Variants in TBL1XR1 observed in about 807,000 individuals in gnomAD.
TBL1XR1 encodes the protein TBL1X/Y related 1.
Under a neutral mutation model 66.9 loss-of-function variants are expected in TBL1XR1, and 5 were observed. That is an observed-to-expected ratio of 0.07 (90% CI 0.04 to 0.16). The LOEUF is 0.16. Among genes scored for constraint, TBL1XR1 ranks in the 10% least tolerant of loss-of-function variants. TBL1XR1 has a pLI of 1.00. For synonymous variants in TBL1XR1, 210 were observed against 206.0 expected (o/e 1.02, Z -0.17); for missense variants, 238 against 623.2 (o/e 0.38, Z 6.58).
At chr3:177,095,004 T>G (rs2700332) in intron 2 of TBL1XR1, among the ~76,000 whole-genome samples, 88,757 of 150,756 alleles carry the variant, frequency 0.59, 26,208 homozygotes, top group East Asian at 0.69. Flanking sequence ...AGAAAATGCG[T>G]TATATACATA....
chr3:177,162,186 G>C (rs1732292652), intron 1 of TBL1XR1, among the ~76,000 whole-genome samples: 1 of 152,154 alleles, frequency 6.6e-6, no homozygotes. Context: ...CCACATATCT[G>C]TCCAAAGAGT....
rs886400329 is a variant in TBL1XR1, at chr3:177,081,199, C to G, written c.-45-16177G>C. Among the ~76,000 whole-genome samples, 3 of 152,170 alleles carry G rather than the reference C, an allele frequency of 2.0e-5. 1 individual carries two copies. Among genetic ancestry groups the G allele is most frequent in the South Asian group, 2.1e-4 (1 of 4,834 alleles). On this transcript the variant is annotated intron_variant, in intron 2 of 15. Coordinates refer to ENST00000457928, the MANE Select transcript of TBL1XR1 (RefSeq NM_024665.7). Reference sequence around the variant, plus strand: ...ACATTCAGAATCATTAATAAGATTTCTCTCTTGTTCTTGGCCAGTCTTAAG... The same window carrying G: ...ACATTCAGAATCATTAATAAGATTTGTCTCTTGTTCTTGGCCAGTCTTAAG...
chr3:177,197,621 GGCGGGCGGGCGA>G (rs1392612760), upstream of TBL1XR1, among the ~76,000 whole-genome samples: 23 of 137,998 alleles, frequency 1.7e-4, no homozygotes, highest in South Asian at 4.5e-4. Flanking sequence ...GCCTGCGCCG[GGCGGGCGGGCGA>G]GCGGGCGGGC....
chr3:177,135,307 C>CTGTGTGTGTGTGTG (rs376418228), intron 1 of TBL1XR1, among the ~76,000 whole-genome samples: 7 of 72,592 alleles, frequency 9.6e-5, no homozygotes, highest in African/African-American at 2.1e-4. Flanking sequence ...AGGCCGCACT[C>CTGTGTGTGTGTGTG]TGTGTGTGTG....
At chr3:177,101,816 C>T (rs960701379) in intron 1 of TBL1XR1, among the ~76,000 whole-genome samples, 2 of 152,136 alleles carry the variant, frequency 1.3e-5, no homozygotes, top group Non-Finnish European at 2.9e-5. Context: ...GGAAACAGAA[C>T]GAATGAATGA....
At chr3:177,201,036 T>C (rs1169590235), upstream of TBL1XR1, among the ~76,000 whole-genome samples, 1 of 151,808 alleles carries the variant, frequency 6.6e-6, no homozygotes, top group Non-Finnish European at 1.5e-5. Context: ...TTGAATTTTC[T>C]AGCTAATTAC....
chr3:177,067,040 T>C (rs1013316986), intron 2 of TBL1XR1, among the ~76,000 whole-genome samples: 5 of 152,190 alleles, frequency 3.3e-5, no homozygotes, highest in Admixed American at 6.5e-5. Context: ...TGTACTATAG[T>C]ACACTAGATG....
At chr3:177,025,560 G>C in intron 15 of TBL1XR1, 36 bp from the exon 16 acceptor site, 1 of 1,589,732 alleles carries the variant, frequency 6.3e-7, no homozygotes, top group Non-Finnish European at 8.6e-7. Context: ...AGTGTATTCA[G>C]AATTTTATTG....
intron 3 of TBL1XR1, among the ~76,000 whole-genome samples, chr3:177,056,857 G>A (rs1032262212): frequency 3.9e-5 from 6 of 151,932 alleles, no homozygotes; most frequent in Admixed American, 3.9e-4. Context: ...TACCTTTTCT[G>A]CCAGATCTGC....
chr3:177,050,387 GCAA>G lies in TBL1XR1; in HGVS notation c.560+88_560+90del, dbSNP rs1448231581. ...ACAGAGACAAAATGGCCACAACTAA[GCAA>G]CAACAGAAAACCTGAATAATGCATA... On this transcript the variant is annotated intron_variant, in intron 6 of 15. Coordinates refer to ENST00000457928, the MANE Select transcript of TBL1XR1 (RefSeq NM_024665.7). 5.4e-6 allele frequency: 8 copies of G among 1,469,352 alleles called. No individual in the cohort carries two copies. In the Admixed American group the frequency reaches 1.2e-4, roughly 22 times the overall value. The allele number at this position is 1,469,352 out of a possible 1,614,324, so 91.0% of individuals were successfully genotyped here.
chr3:177,125,125 T>A (rs1434791845), intron 1 of TBL1XR1, among the ~76,000 whole-genome samples: 1 of 150,894 alleles, frequency 6.6e-6, no homozygotes, highest in Non-Finnish European at 1.5e-5. Flanking sequence ...ATCAAGAAAG[T>A]GAAAACCCAC....
At chr3:177,189,664 A>AAAAAAAAAAAAAAAATTTC (rs57549428) in intron 1 of TBL1XR1, among the ~76,000 whole-genome samples, 5 of 141,878 alleles carry the variant, frequency 3.5e-5, no homozygotes, top group African/African-American at 1.1e-4. Context: ...AAAAAAAAAA[A>AAAAAAAAAAAAAAAATTTC]AGAAGGATGT....
chr3:177,045,002 T>C (rs939915034), intron 10 of TBL1XR1: 5 of 152,186 alleles, frequency 3.3e-5, no homozygotes, highest in African/African-American at 1.2e-4. Context: ...AAAATGTATG[T>C]GTAAATGCTT....
At chr3:177,131,102 C>T (rs200705615) in intron 1 of TBL1XR1, among the ~76,000 whole-genome samples, 2 of 152,010 alleles carry the variant, frequency 1.3e-5, no homozygotes, top group East Asian at 3.9e-4. Context: ...TTCAGCAAAT[C>T]GGGAATCCAT....
intron 1 of TBL1XR1, among the ~76,000 whole-genome samples, chr3:177,165,694 A>G (rs969371351): frequency 7.9e-5 from 12 of 152,210 alleles, no homozygotes; most frequent in African/African-American, 2.7e-4. Context: ...AAGACAATAC[A>G]ATGGAGCAAA....
At chr3:177,168,812 C>T (rs1409745891) in intron 1 of TBL1XR1, among the ~76,000 whole-genome samples, 1 of 152,068 alleles carries the variant, frequency 6.6e-6, no homozygotes, top group Non-Finnish European at 1.5e-5. Flanking sequence ...CTAAAAGCTG[C>T]ATTATTTGAT....
At chr3:177,094,228 C>G (rs1342680866) in intron 2 of TBL1XR1, among the ~76,000 whole-genome samples, 2 of 152,112 alleles carry the variant, frequency 1.3e-5, no homozygotes. Context: ...AAAAAATACT[C>G]AGTATCACTA....
chr3:177,088,800 G>A (rs1286437848), intron 2 of TBL1XR1, among the ~76,000 whole-genome samples: 4 of 151,888 alleles, frequency 2.6e-5, no homozygotes, highest in Non-Finnish European at 4.4e-5. Flanking sequence ...GCTCTCCAGA[G>A]GCATACATTC....
intron 2 of TBL1XR1, among the ~76,000 whole-genome samples, chr3:177,092,683 G>A (rs755871774): frequency 6.6e-6 from 1 of 151,672 alleles, no homozygotes; most frequent in African/African-American, 2.4e-5. Flanking sequence ...GTAAAATAGT[G>A]CTGCTGCTCT....
Sources: allele counts gnomAD v4.1 joint callset (sites outside exome capture counted in the v4.1 genomes callset), GRCh38; gene constraint gnomAD v4.1.1; transcripts MANE v1.5; gene names NCBI Gene and HGNC (gene_info 2026-07-23, HGNC 2026-07-21).